CDC42BPA: variants seen among roughly 807,000 people sequenced by gnomAD.
The protein encoded by CDC42BPA is CDC42 binding protein kinase alpha.
CDC42BPA carries 80 observed loss-of-function variants against 223.5 expected under a neutral mutation model. The ratio of observed to expected loss-of-function variants is 0.36; its 90% CI spans 0.30 to 0.43. The LOEUF (loss-of-function observed/expected upper bound fraction) is 0.43. CDC42BPA is among the 20% of genes least tolerant of loss of function. The probability of loss-of-function intolerance (pLI) is 1.00; values close to 1 mark genes in which losing one functional copy is unlikely to be tolerated. For missense variants in CDC42BPA, 1,743 were observed against 2,099.9 expected (o/e 0.83, Z 3.32); for synonymous variants, 694 against 718.6 (o/e 0.97, Z 0.55).
rs577469160 is a variant in CDC42BPA, at chr1:227,297,981, CATATATACAT to C, written c.178+19014_178+19023del. Among the ~76,000 whole-genome samples, 497 of 139,382 alleles carry C rather than the reference CATATATACAT, an allele frequency of 3.6e-3. 2 individuals carry two copies. Among genetic ancestry groups the C allele is most frequent in the Admixed American group, 6.6e-3 (94 of 14,176 alleles). 91.4% of individuals were successfully genotyped at this position (139,382 alleles called of 152,430 possible). On this transcript the variant is annotated intron_variant, in intron 1 of 36. Coordinates refer to ENST00000366766, the MANE Select transcript of CDC42BPA (RefSeq NM_001394014.1). Reference sequence around the variant, plus strand: ...ATATATACATATACACACACACACACATATATACATATATATACATATATATACATAATAT... The same window carrying C: ...ATATATACATATACACACACACACACATATATACATATATATACATAATAT...
chr1:227,275,469 T>C (rs1008185944), intron 1 of CDC42BPA, among the ~76,000 whole-genome samples: 1 of 151,884 alleles, frequency 6.6e-6, no homozygotes, highest in Non-Finnish European at 1.5e-5. Context: ...AAAACAACTA[T>C]TAAATAGAGA....
chr1:227,052,786 T>A (rs1673802828), intron 21 of CDC42BPA, among the ~76,000 whole-genome samples: 1 of 152,210 alleles, frequency 6.6e-6, no homozygotes, highest in Admixed American at 6.5e-5. Flanking sequence ...AATTTAAACA[T>A]GAACTTATAA....
At chr1:227,073,776 G>T in intron 19 of CDC42BPA, 88 bp downstream of exon 19, 1 of 1,057,288 alleles carries the variant, frequency 9.5e-7, no homozygotes, top group South Asian at 1.7e-5. Flanking sequence ...CTAAAAGCAA[G>T]CAATGGAAAC....
Position 226,993,921 on chromosome 1 carries a change from A to G in CDC42BPA, c.*347T>C. 1 of 186,226 alleles carries G rather than the reference A, an allele frequency of 5.4e-6. No homozygotes were observed. The highest frequency in any genetic ancestry group is 1.1e-5 in the Non-Finnish European group (1 of 87,796). 11.5% of individuals were successfully genotyped at this position (186,226 alleles called of 1,614,324 possible). A position where few individuals can be genotyped will look rare whatever the true frequency, so the allele number is the denominator to read the frequency against. On this transcript the variant is annotated 3_prime_UTR_variant, in exon 37 of 37. Coordinates refer to ENST00000366766, the MANE Select transcript of CDC42BPA (RefSeq NM_001394014.1). ...GGACTATAATGAGACTCTACTGTGA[A>G]AGCAAAATCTGTCTAATCTTATTCT... is the stretch of plus-strand genomic sequence containing the variant.
At chr1:227,079,785 T>C (rs746401387) in intron 17 of CDC42BPA, among the ~76,000 whole-genome samples, 1 of 151,928 alleles carries the variant, frequency 6.6e-6, no homozygotes, top group Non-Finnish European at 1.5e-5. Context: ...GACTGATCTA[T>C]AAATATATGA....
At chr1:227,306,328 G>A (rs7518813) in intron 1 of CDC42BPA, among the ~76,000 whole-genome samples, 17,564 of 152,100 alleles carry the variant, frequency 0.12, 1,219 homozygotes, top group South Asian at 0.19. Flanking sequence ...ATACAGAGAA[G>A]TCAACTGAGC....
At chr1:227,154,638 A>G (rs1019782139) in intron 6 of CDC42BPA, among the ~76,000 whole-genome samples, 5 of 152,082 alleles carry the variant, frequency 3.3e-5, no homozygotes, top group Admixed American at 2.0e-4. Flanking sequence ...TAAAAAATCC[A>G]TAAGTCGTTT....
chr1:227,198,458 G>GAAAGA (rs1558738918), intron 4 of CDC42BPA, among the ~76,000 whole-genome samples: 69 of 93,872 alleles, frequency 7.4e-4, no homozygotes, highest in African/African-American at 2.2e-3. Context: ...AAAAAGAAAA[G>GAAAGA]AAAGAAAGAA....
chr1:227,001,248 C>T (rs746440585), intron 35 of CDC42BPA, among the ~76,000 whole-genome samples: 7 of 152,312 alleles, frequency 4.6e-5, no homozygotes, highest in Admixed American at 4.6e-4. Flanking sequence ...ATGAGCTGGG[C>T]TAGTCTTGAA....
chr1:227,160,420 A>G, intron 6 of CDC42BPA, 123 bp downstream of exon 6: 1 of 721,268 alleles, frequency 1.4e-6, no homozygotes, highest in Non-Finnish European at 2.5e-6. Flanking sequence ...GAGGTGGCGC[A>G]TAGATAGACA....
rs57568297 is a variant in CDC42BPA, at chr1:227,144,574, C to CAAA, written c.1143+912_1143+914dup. On this transcript the variant is annotated intron_variant, in intron 8 of 36. Transcript: ENST00000366766. The stretch of plus-strand genomic sequence containing the variant: ...TGGGAGACAGAGCGAGACTCTGTCT[C>CAAA]AAAAAAAAAAAAAAAAAAAAAAAAA... 9.0e-4 allele frequency among the ~76,000 whole-genome samples: 57 copies of CAAA among 63,484 alleles called. 1 individual carries two copies. Among genetic ancestry groups the CAAA allele is most frequent in the East Asian group, 4.7e-3 (8 of 1,698 alleles). 41.6% of individuals were successfully genotyped at this position (63,484 alleles called of 152,430 possible). A position where few individuals can be genotyped will look rare whatever the true frequency, so the allele number is the denominator to read the frequency against.
At chr1:227,193,207 C>A (rs1670039534) in intron 5 of CDC42BPA, among the ~76,000 whole-genome samples, 3 of 148,280 alleles carry the variant, frequency 2.0e-5, no homozygotes, top group African/African-American at 7.5e-5. Flanking sequence ...GTAGCTGGGA[C>A]TACAGGTGCC....
intron 2 of CDC42BPA, among the ~76,000 whole-genome samples, chr1:227,223,460 C>T (rs1333249452): frequency 6.6e-6 from 1 of 152,178 alleles, no homozygotes; most frequent in Non-Finnish European, 1.5e-5. Context: ...TTAGCTAGAT[C>T]ACTCTAGCAG....
intron 10 of CDC42BPA, among the ~76,000 whole-genome samples, chr1:227,134,834 T>A (rs73100852): frequency 0.16 from 23,871 of 152,014 alleles, 2,212 homozygotes; most frequent in African/African-American, 0.25. Flanking sequence ...TCAAAACATT[T>A]AAAAAAAACC....
At chr1:227,111,828 G>GT (rs2149384824) in intron 14 of CDC42BPA, among the ~76,000 whole-genome samples, 1 of 152,280 alleles carries the variant, frequency 6.6e-6, no homozygotes, top group East Asian at 1.9e-4. Context: ...CAAGTAACTG[G>GT]TGAAAGCAAG....
At chr1:227,245,092 G>T (rs1342929668) in intron 2 of CDC42BPA, among the ~76,000 whole-genome samples, 1 of 152,032 alleles carries the variant, frequency 6.6e-6, no homozygotes, top group Non-Finnish European at 1.5e-5. Flanking sequence ...GTCAAGTTGG[G>T]TTCTAACAAG....
At chr1:227,231,024 T>A (rs1447748916) in intron 2 of CDC42BPA, among the ~76,000 whole-genome samples, 2 of 152,046 alleles carry the variant, frequency 1.3e-5, no homozygotes, top group Non-Finnish European at 2.9e-5. Context: ...CTATGGTACA[T>A]GTGCACAACG....
chr1:226,995,012 T>C (rs769570260), intron 35 of CDC42BPA, 32 bp from the exon 36 acceptor site: 9 of 1,594,904 alleles, frequency 5.6e-6, no homozygotes, highest in Non-Finnish European at 7.7e-6. Context: ...AAATTTTACA[T>C]ATGCAGAGGG....
In CDC42BPA at chr1:226,991,915, AGAAG is replaced by A. The variant is rs1221055349; in HGVS notation, c.*2349_*2352del. The A allele has an allele frequency of 2.7e-5, 4 of 148,156 alleles. No individual in the cohort carries two copies. The highest frequency in any genetic ancestry group is 1.4e-4 in the Admixed American group (2 of 14,806). The allele number at this position is 148,156 out of a possible 1,614,324, so 9.2% of individuals were successfully genotyped here. A position where few individuals can be genotyped will look rare whatever the true frequency, so the allele number is the denominator to read the frequency against. ...GATGGCCTCCTCCCTGCCTGAGAAG[AGAAG>A]GGAGAGAGGAGAAGGCAAGGGGAAA... On this transcript the variant is annotated 3_prime_UTR_variant, in exon 37 of 37. Coordinates refer to ENST00000366766, the MANE Select transcript of CDC42BPA (RefSeq NM_001394014.1).
Sources: allele counts gnomAD v4.1 joint callset (sites outside exome capture counted in the v4.1 genomes callset), GRCh38; gene constraint gnomAD v4.1.1; transcripts MANE v1.5; gene names NCBI Gene and HGNC (gene_info 2026-07-23, HGNC 2026-07-21).